Variants in DPYSL2 observed in about 807,000 individuals in gnomAD.
DPYSL2 encodes dihydropyrimidinase-related protein 2.
In DPYSL2, 13 loss-of-function variants were observed where a neutral mutation model predicts 69.9. That is an observed-to-expected ratio of 0.19 (90% CI 0.12 to 0.30). DPYSL2 has a LOEUF of 0.30. Ranked by LOEUF, DPYSL2 falls within the 10% of genes least tolerant of loss-of-function variation. The pLI is 1.00. For synonymous variants in DPYSL2, 326 were observed against 359.1 expected (o/e 0.91, Z 1.04); for missense variants, 587 against 918.9 (o/e 0.64, Z 4.67).
In DPYSL2 at chr8:26,605,990, A is replaced by G. The variant is rs1053995256; in HGVS notation, c.629-18153A>G. On this transcript the variant is annotated intron_variant, in intron 3 of 13. Transcript: ENST00000521913. The surrounding 1 kb of genome is among the most constrained non-coding windows in gnomAD (Gnocchi z 4.1). ...GATTAAACAGGTGATAAGAACCAAA[A>G]AATATTCAAAAAGGTCATAATGAAT... Among the ~76,000 whole-genome samples, 1 of 152,144 alleles carries G rather than the reference A, an allele frequency of 6.6e-6. No individual in the cohort carries two copies. The highest frequency in any genetic ancestry group is 2.4e-5 in the African/African-American group (1 of 41,448).
At chr8:26,594,888 A>G (rs1221061029) in intron 3 of DPYSL2, among the ~76,000 whole-genome samples, 1 of 152,174 alleles carries the variant, frequency 6.6e-6, no homozygotes, top group African/African-American at 2.4e-5. Flanking sequence ...ATGTATAAGA[A>G]GCTTTCTTAT....
rs564663628 is a variant in DPYSL2 at position 26,652,986 on chromosome 8, T to G, written c.1777-246T>G. Among the ~76,000 whole-genome samples the G allele has an allele frequency of 2.0e-5, 3 of 152,292 alleles. No individual in the cohort carries two copies. Among genetic ancestry groups the G allele is most frequent in the African/African-American group, 7.2e-5 (3 of 41,560 alleles). On this transcript the variant is annotated intron_variant, in intron 12 of 13. Transcript: ENST00000521913. This position sits in a 1 kb window ranked among gnomAD's most constrained non-coding sequence, Gnocchi z 6.3. Reference sequence around the variant, plus strand: ...TAGGGGATTCTTACAGGGTTTAAAGTTGAAGTGTCTTGGGGGAAAAATTGT... The same window carrying G: ...TAGGGGATTCTTACAGGGTTTAAAGGTGAAGTGTCTTGGGGGAAAAATTGT...
intron 1 of DPYSL2, among the ~76,000 whole-genome samples, chr8:26,544,243 A>C (rs1231957180): frequency 6.6e-6 from 1 of 152,214 alleles, no homozygotes; most frequent in Admixed American, 6.5e-5. Flanking sequence ...ATGCATGGAC[A>C]TAAGGGACAG....
chr8:26,610,193 A>G lies in DPYSL2; in HGVS notation c.629-13950A>G, dbSNP rs556399374. ...TTTCTTTCCTTTTGATTGGGATGACATGAAGTCTGTTAATGCGGGATCGTT... is the reference window on the plus strand; with the variant it reads ...TTTCTTTCCTTTTGATTGGGATGACGTGAAGTCTGTTAATGCGGGATCGTT... On this transcript the variant is annotated intron_variant, in intron 3 of 13. Coordinates refer to ENST00000521913, the MANE Select transcript of DPYSL2 (RefSeq NM_001197293.3). The surrounding 1 kb of genome is among the most constrained non-coding windows in gnomAD (Gnocchi z 4.5). 2.6e-5 allele frequency among the ~76,000 whole-genome samples: 4 copies of G among 152,356 alleles called. No individual in the cohort carries two copies. The highest frequency in any genetic ancestry group is 9.6e-5 in the African/African-American group (4 of 41,584).
chr8:26,518,667 C>T (rs1808333820), intron 1 of DPYSL2, among the ~76,000 whole-genome samples: 1 of 152,150 alleles, frequency 6.6e-6, no homozygotes, highest in Admixed American at 6.5e-5. Context: ...AGCTTGACTA[C>T]TCTAGACTCC....
At chr8:26,544,551 G>T (rs890279634) in intron 1 of DPYSL2, among the ~76,000 whole-genome samples, 2 of 152,174 alleles carry the variant, frequency 1.3e-5, no homozygotes, top group Non-Finnish European at 2.9e-5. Context: ...TATTGAATAA[G>T]CTACACATGT....
In DPYSL2 at chr8:26,562,420, C is replaced by T. The variant is rs2129665371; in HGVS notation, c.355-19549C>T. ...ACATCTGTCCATTTATCTCAAGTGC[C>T]CTTGCCCTGGTCCTAGCCACAATCC... On this transcript the variant is annotated intron_variant, in intron 1 of 13. Coordinates refer to ENST00000521913, the MANE Select transcript of DPYSL2 (RefSeq NM_001197293.3). The surrounding 1 kb of genome is among the most constrained non-coding windows in gnomAD (Gnocchi z 4.9). Among the ~76,000 whole-genome samples, 1 of 152,250 alleles carries T rather than the reference C, an allele frequency of 6.6e-6. No homozygotes were observed. Among genetic ancestry groups the T allele is most frequent in the South Asian group, 2.1e-4 (1 of 4,822 alleles).
chr8:26,591,837 G>A lies in DPYSL2; in HGVS notation c.628+7854G>A. ...CACAGGATGGAAACCAACCCATCCT[G>A]GCACTGCCTCCCCCTCTGCCCACCT... is the stretch of plus-strand genomic sequence containing the variant. On this transcript the variant is annotated intron_variant, in intron 3 of 13. Coordinates refer to ENST00000521913, the MANE Select transcript of DPYSL2 (RefSeq NM_001197293.3). This position sits in a 1 kb window ranked among gnomAD's most constrained non-coding sequence, Gnocchi z 5.8. Among the ~76,000 whole-genome samples the A allele has an allele frequency of 6.6e-6, 1 of 152,088 alleles. No homozygotes were observed. Among genetic ancestry groups the A allele is most frequent in the East Asian group, 1.9e-4 (1 of 5,168 alleles).
chr8:26,633,893 G>A (rs1421993655), intron 7 of DPYSL2, among the ~76,000 whole-genome samples: 1 of 152,254 alleles, frequency 6.6e-6, no homozygotes, highest in Non-Finnish European at 1.5e-5. Flanking sequence ...GGCCATTGGT[G>A]TAGACAAACG....
At chr8:26,543,112 G>T (rs560479783) in intron 1 of DPYSL2, among the ~76,000 whole-genome samples, 1 of 152,084 alleles carries the variant, frequency 6.6e-6, no homozygotes, top group Non-Finnish European at 1.5e-5. Context: ...TTAAAATACT[G>T]CATTTCCTTA....
chr8:26,603,459 C>G (rs1304886805), intron 3 of DPYSL2, among the ~76,000 whole-genome samples: 1 of 152,242 alleles, frequency 6.6e-6, no homozygotes, highest in Non-Finnish European at 1.5e-5. Flanking sequence ...GCGTGAGCCA[C>G]CGCGCCCGGC....
chr8:26,575,095 G>A (rs945925977), intron 1 of DPYSL2, among the ~76,000 whole-genome samples: 1 of 152,168 alleles, frequency 6.6e-6, no homozygotes, highest in Non-Finnish European at 1.5e-5. Context: ...CACCATGCCC[G>A]TCTGATTTTT....
chr8:26,631,395 C>T (rs1802768164), intron 7 of DPYSL2, among the ~76,000 whole-genome samples: 2 of 152,116 alleles, frequency 1.3e-5, no homozygotes, highest in South Asian at 2.1e-4. Context: ...CATCAGATCT[C>T]GTGAGAACTC....
intron 1 of DPYSL2, chr8:26,578,577 TGCTGCAGCGTCGG>T (rs1801412913): frequency 7.5e-7 from 1 of 1,338,774 alleles, no homozygotes; most frequent in African/African-American, 1.5e-5. Context: ...CAGTGAGAGA[TGCTGCAGCGTCGG>T]CCCGCGGGGT....
Position 26,610,886 on chromosome 8 carries a change from C to T in DPYSL2, c.629-13257C>T, listed in dbSNP as rs1802208726. On this transcript the variant is annotated intron_variant, in intron 3 of 13. Transcript: ENST00000521913. The surrounding 1 kb of genome is among the most constrained non-coding windows in gnomAD (Gnocchi z 4.5). ...TTCAGAACAATGCTGTGAGTAGATA[C>T]TATTATTAGGTCCATTTCACAGATA... 1.3e-5 allele frequency among the ~76,000 whole-genome samples: 2 copies of T among 152,090 alleles called. No homozygotes were observed.
chr8:26,546,678 G>GGGA (rs1800773673), intron 1 of DPYSL2, among the ~76,000 whole-genome samples: 1 of 151,452 alleles, frequency 6.6e-6, no homozygotes, highest in South Asian at 2.1e-4. Flanking sequence ...CCAGCACTTT[G>GGGA]GGAGGCCGAG....
intron 1 of DPYSL2, among the ~76,000 whole-genome samples, chr8:26,561,620 C>T (rs1801072530): frequency 6.6e-6 from 1 of 152,014 alleles, no homozygotes; most frequent in African/African-American, 2.4e-5. Flanking sequence ...CAGTCCCCAA[C>T]TTTTTTGGCA....
At chr8:26,645,858 C>T (rs113174859) in intron 10 of DPYSL2, among the ~76,000 whole-genome samples, 5,537 of 149,120 alleles carry the variant, frequency 0.037, 306 homozygotes, top group African/African-American at 0.13. Context: ...CCAGGACTCA[C>T]TTATAATTCT....
At chr8:26,542,344 A>G (rs1800698816) in intron 1 of DPYSL2, among the ~76,000 whole-genome samples, 1 of 152,210 alleles carries the variant, frequency 6.6e-6, no homozygotes, top group Non-Finnish European at 1.5e-5. Flanking sequence ...TGTATAAAAA[A>G]CAAGATCAAG....
Sources: gnomAD v4.1 joint callset for allele counts (sites outside exome capture counted in the v4.1 genomes callset) on GRCh38, gnomAD v4.1.1 for gene constraint, Gnocchi (gnomAD v3.1) non-coding constraint, MANE v1.5 for transcripts, NCBI Gene and HGNC (gene_info 2026-07-23, HGNC 2026-07-21) for gene names.